LSAMP: variants seen among roughly 807,000 people sequenced by gnomAD.
LSAMP encodes the protein limbic system-associated membrane protein.
In LSAMP, 7 loss-of-function variants were observed where a neutral mutation model predicts 38.6. That is an observed-to-expected ratio of 0.18 (90% CI 0.10 to 0.34). The LOEUF (loss-of-function observed/expected upper bound fraction) is 0.34. Among genes scored for constraint, LSAMP ranks in the 10% least tolerant of loss-of-function variants. LSAMP has a pLI of 1.00. For missense variants in LSAMP, 313 were observed against 420.0 expected, an observed-to-expected ratio of 0.75 and a Z score of 2.23; for synonymous variants, 154 against 166.8, an observed-to-expected ratio of 0.92 and a Z score of 0.59.
chr3:115,879,784 TA>T (rs1936276762), intron 3 of LSAMP, among the ~76,000 whole-genome samples: 1 of 152,122 alleles, frequency 6.6e-6, no homozygotes, highest in Non-Finnish European at 1.5e-5. Context: ...GAGGCCTGGG[TA>T]AAACTCAGAG....
chr3:116,270,654 G>T (rs2046958963), intron 1 of LSAMP, among the ~76,000 whole-genome samples: 1 of 152,080 alleles, frequency 6.6e-6, no homozygotes, highest in Non-Finnish European at 1.5e-5. Context: ...ACTGTGAACT[G>T]CCCAGGGGGC....
chr3:116,403,027 A>G (rs537126668), intron 1 of LSAMP, among the ~76,000 whole-genome samples: 1 of 152,304 alleles, frequency 6.6e-6, no homozygotes, highest in African/African-American at 2.4e-5. Context: ...ATGGCCAATC[A>G]CTGTATCCTA....
rs1024730541 is a variant in LSAMP at position 115,874,497 on chromosome 3, A to G, written c.515-21880T>C. Among the ~76,000 whole-genome samples, 5 of 152,264 alleles carry G rather than the reference A, an allele frequency of 3.3e-5. No individual in the cohort carries two copies. In the East Asian group the frequency reaches 9.7e-4, roughly 29 times the overall value. ...TACATTTTGTCTCCCCAGCTATACCATAAGATTTGTAAAGTCTCTGCTCCA... is the reference window on the plus strand; with the variant it reads ...TACATTTTGTCTCCCCAGCTATACCGTAAGATTTGTAAAGTCTCTGCTCCA... On this transcript the variant is annotated intron_variant, in intron 3 of 6. Coordinates refer to ENST00000490035, the MANE Select transcript of LSAMP (RefSeq NM_002338.5).
intron 1 of LSAMP, among the ~76,000 whole-genome samples, chr3:116,351,452 A>G (rs1391864675): frequency 1.3e-5 from 2 of 152,180 alleles, no homozygotes; most frequent in East Asian, 1.9e-4. Flanking sequence ...CACCATGGGT[A>G]TGTTGGAAAG....
intron 5 of LSAMP, 116 bp from the exon 6 acceptor site, chr3:115,842,109 G>T: frequency 1.9e-6 from 2 of 1,053,746 alleles, no homozygotes; most frequent in Non-Finnish European, 2.7e-6. Context: ...GCTAGAGTTT[G>T]TTGTTCCATG....
At chr3:116,421,090 G>T (rs1405135600) in intron 1 of LSAMP, among the ~76,000 whole-genome samples, 1 of 152,156 alleles carries the variant, frequency 6.6e-6, no homozygotes, top group East Asian at 1.9e-4. Flanking sequence ...TAGAGAAGAA[G>T]GTAAGAATAA....
At chr3:116,031,820 A>AT (rs989938713) in intron 2 of LSAMP, among the ~76,000 whole-genome samples, 1 of 151,950 alleles carries the variant, frequency 6.6e-6, no homozygotes, top group Non-Finnish European at 1.5e-5. Flanking sequence ...ACCATGAACC[A>AT]TTTTAAATAG....
chr3:116,216,561 A>G (rs1409935919), intron 1 of LSAMP, among the ~76,000 whole-genome samples: 8 of 74,156 alleles, frequency 1.1e-4, no homozygotes, highest in Admixed American at 8.3e-4. Flanking sequence ...AAAGAATGAG[A>G]AAAAAAAAAA....
chr3:116,316,340 A>C (rs1277950267), intron 1 of LSAMP, among the ~76,000 whole-genome samples: 3 of 152,206 alleles, frequency 2.0e-5, no homozygotes, highest in African/African-American at 7.2e-5. Flanking sequence ...AGGTTGTTTT[A>C]GGAGTTATCA....
intron 1 of LSAMP, among the ~76,000 whole-genome samples, chr3:116,395,445 G>T (rs989083893): frequency 1.3e-5 from 2 of 152,198 alleles, no homozygotes; most frequent in African/African-American, 4.8e-5. Context: ...CACAATTTAA[G>T]GGCTAAGGAA....
chr3:116,127,125 A>C (rs1226390987), intron 1 of LSAMP, among the ~76,000 whole-genome samples: 1 of 152,216 alleles, frequency 6.6e-6, no homozygotes. Context: ...TAGAGTAGGA[A>C]TCTCTAGGAT....
intron 1 of LSAMP, among the ~76,000 whole-genome samples, chr3:116,172,488 A>G (rs955655294): frequency 6.6e-6 from 1 of 152,046 alleles, no homozygotes; most frequent in Non-Finnish European, 1.5e-5. Flanking sequence ...CTTCCCCAAC[A>G]ACTAATATTT....
At chr3:115,821,219 T>G (rs1934227398) in intron 6 of LSAMP, among the ~76,000 whole-genome samples, 1 of 152,214 alleles carries the variant, frequency 6.6e-6, no homozygotes. Context: ...CTCTACAGTT[T>G]ATAGTTTGGG....
At position 116,411,866 on chromosome 3, in the gene LSAMP, G is replaced by A. The variant is rs533315723; in HGVS notation, c.155+33011C>T. ...CTGACTTCATGAATGGATTAATGCTGTTATTGCCAGAGAGGGTTAATTATT... is the reference window on the plus strand; with the variant it reads ...CTGACTTCATGAATGGATTAATGCTATTATTGCCAGAGAGGGTTAATTATT... On this transcript the variant is annotated intron_variant, in intron 1 of 6. Coordinates refer to ENST00000490035, the MANE Select transcript of LSAMP (RefSeq NM_002338.5). Among the ~76,000 whole-genome samples the A allele has an allele frequency of 5.7e-4, 86 of 151,978 alleles. 1 individual carries two copies. Among genetic ancestry groups the A allele is most frequent in the African/African-American group, 2.0e-3 (84 of 41,464 alleles).
chr3:116,221,762 T>G (rs953568814), intron 1 of LSAMP, among the ~76,000 whole-genome samples: 1 of 151,866 alleles, frequency 6.6e-6, no homozygotes, highest in Non-Finnish European at 1.5e-5. Flanking sequence ...CCTGGAGAGA[T>G]GCGAAGGAAC....
rs1936865034 is a variant in LSAMP, at chr3:115,901,188, T to A, written c.515-48571A>T. ...TCTAGAATCATTTGGGGTCTGAGAG[T>A]CTGTGCTTAATCTGTCAGTTATGGC... On this transcript the variant is annotated intron_variant, in intron 3 of 6. Coordinates refer to ENST00000490035, the MANE Select transcript of LSAMP (RefSeq NM_002338.5). Among the ~76,000 whole-genome samples, 2 of 152,006 alleles carry A rather than the reference T, an allele frequency of 1.3e-5. 1 individual carries two copies. The highest frequency in any genetic ancestry group is 4.1e-4 in the South Asian group (2 of 4,820).
At chr3:116,389,135 C>T in intron 1 of LSAMP, among the ~76,000 whole-genome samples, 1 of 152,142 alleles carries the variant, frequency 6.6e-6, no homozygotes, top group Non-Finnish European at 1.5e-5. Context: ...TGAGACTTCT[C>T]TCCTGACCTT....
chr3:115,942,203 GAAAT>G (rs1937945814), intron 3 of LSAMP, among the ~76,000 whole-genome samples: 1 of 152,084 alleles, frequency 6.6e-6, no homozygotes, highest in Non-Finnish European at 1.5e-5. Context: ...GCAAAACAAA[GAAAT>G]AAATAGCTTT....
intron 2 of LSAMP, among the ~76,000 whole-genome samples, chr3:116,036,499 C>T (rs1941048704): frequency 6.6e-6 from 1 of 152,104 alleles, no homozygotes; most frequent in Non-Finnish European, 1.5e-5. Context: ...AATTCTGTGC[C>T]TCACTTTTGT....
Sources: allele counts gnomAD v4.1 joint callset (sites outside exome capture counted in the v4.1 genomes callset), GRCh38; gene constraint gnomAD v4.1.1; transcripts MANE v1.5; gene names NCBI Gene and HGNC (gene_info 2026-07-23, HGNC 2026-07-21).